Variants in RETREG1 observed in about 807,000 individuals in gnomAD.
The protein encoded by RETREG1 is reticulophagy regulator 1.
Under a neutral mutation model 54.8 loss-of-function variants are expected in RETREG1, and 44 were observed. The ratio of observed to expected loss-of-function variants is 0.80; its 90% CI spans 0.63 to 1.03. The LOEUF is 1.03. RETREG1 is among the 50% of genes least tolerant of loss of function. The pLI, the probability that RETREG1 is intolerant of heterozygous loss-of-function variation, is 0.00. For synonymous variants in RETREG1, 217 were observed against 238.5 expected (o/e 0.91, Z 0.83); for missense variants, 554 against 605.1 (o/e 0.92, Z 0.89).
At chr5:16,550,262 C>A (rs1408494707) in intron 3 of RETREG1, among the ~76,000 whole-genome samples, 8 of 114,088 alleles carry the variant, frequency 7.0e-5, no homozygotes, top group Admixed American at 2.0e-4. Context: ...CATAGTCCCT[C>A]CTCTTTAAAA....
At chr5:16,512,927 G>A (rs1264096489) in intron 3 of RETREG1, among the ~76,000 whole-genome samples, 1 of 151,050 alleles carries the variant, frequency 6.6e-6, no homozygotes, top group Non-Finnish European at 1.5e-5. Context: ...CAGAAACACC[G>A]AGAGACCAAG....
intron 3 of RETREG1, among the ~76,000 whole-genome samples, chr5:16,522,552 A>C (rs1228269234): frequency 1.3e-5 from 2 of 152,146 alleles, no homozygotes; most frequent in Non-Finnish European, 2.9e-5. Flanking sequence ...TTGAATCTTA[A>C]AGACTCTGAG....
intron 1 of RETREG1, among the ~76,000 whole-genome samples, chr5:16,582,786 T>C (rs1480762883): frequency 6.6e-6 from 1 of 152,222 alleles, no homozygotes; most frequent in Non-Finnish European, 1.5e-5. Context: ...TAGTCTGCAC[T>C]GGCCGCTCAG....
chr5:16,607,997 A>G (rs1743242139), intron 1 of RETREG1, among the ~76,000 whole-genome samples: 1 of 152,070 alleles, frequency 6.6e-6, no homozygotes, highest in African/African-American at 2.4e-5. Context: ...CTCCTGCCCC[A>G]GCCTCCCAAG....
chr5:16,602,404 C>A (rs1052508298), intron 1 of RETREG1, among the ~76,000 whole-genome samples: 7 of 152,052 alleles, frequency 4.6e-5, no homozygotes, highest in Non-Finnish European at 1.0e-4. Flanking sequence ...GAGACCAGAA[C>A]AGAAGGATGG....
chr5:16,532,415 C>T (rs1740942617), intron 3 of RETREG1, among the ~76,000 whole-genome samples: 2 of 152,196 alleles, frequency 1.3e-5, no homozygotes, highest in Admixed American at 1.3e-4. Flanking sequence ...ATCCCAGCTA[C>T]TCGGGAAGCT....
intron 3 of RETREG1, chr5:16,508,501 G>C: frequency 3.0e-6 from 4 of 1,316,364 alleles, no homozygotes; most frequent in Non-Finnish European, 4.4e-6. Context: ...TTTTAAATTA[G>C]TCATAATATT....
chr5:16,518,615 C>A (rs1292722447), intron 3 of RETREG1, among the ~76,000 whole-genome samples: 2 of 152,206 alleles, frequency 1.3e-5, no homozygotes, highest in Admixed American at 1.3e-4. Flanking sequence ...TGTAAGGAGA[C>A]TTTCCAGGGT....
chr5:16,541,763 A>G (rs1337491083), intron 3 of RETREG1, among the ~76,000 whole-genome samples: 1 of 141,260 alleles, frequency 7.1e-6, no homozygotes, highest in African/African-American at 2.9e-5. Context: ...GAAGGAAGGA[A>G]GGAAGGAAGG....
chr5:16,507,011 C>T (rs1036083774), intron 3 of RETREG1, among the ~76,000 whole-genome samples: 1 of 152,084 alleles, frequency 6.6e-6, no homozygotes, highest in South Asian at 2.1e-4. Flanking sequence ...TCTATACACT[C>T]CTATCTGGTT....
intron 3 of RETREG1, among the ~76,000 whole-genome samples, chr5:16,486,646 G>C (rs1274480420): frequency 1.3e-5 from 2 of 152,202 alleles, no homozygotes; most frequent in Non-Finnish European, 2.9e-5. Flanking sequence ...CCTTTAAAAT[G>C]TGTGCCCTCT....
Position 16,526,743 on chromosome 5 carries a change from ATTCTAT to A in RETREG1, c.458+39014_458+39019del, listed in dbSNP as rs538278522. Among the ~76,000 whole-genome samples the A allele has an allele frequency of 2.8e-3, 420 of 152,338 alleles. 2 individuals are homozygous for A. The highest frequency in any genetic ancestry group is 9.5e-3 in the African/African-American group (393 of 41,576). The stretch of plus-strand genomic sequence containing the variant: ...ATATTAGAAATATTCAATATTTCTA[ATTCTAT>A]TTCTAATTGAATATTAGAAAGGGAC... On this transcript the variant is annotated intron_variant, in intron 3 of 8. Coordinates refer to ENST00000306320, the MANE Select transcript of RETREG1 (RefSeq NM_001034850.3).
At chr5:16,543,531 C>A (rs1166713161) in intron 3 of RETREG1, among the ~76,000 whole-genome samples, 1 of 152,028 alleles carries the variant, frequency 6.6e-6, no homozygotes, top group Non-Finnish European at 1.5e-5. Context: ...CAAAAATTAG[C>A]CGGGTATGGT....
chr5:16,615,749 T>A (rs1047300221), intron 1 of RETREG1, among the ~76,000 whole-genome samples: 1 of 152,220 alleles, frequency 6.6e-6, no homozygotes, highest in African/African-American at 2.4e-5. Flanking sequence ...GTCTATTTTG[T>A]GCAATTTATT....
intron 5 of RETREG1, among the ~76,000 whole-genome samples, chr5:16,480,454 T>C (rs1738718791): frequency 6.6e-6 from 1 of 152,146 alleles, no homozygotes; most frequent in Admixed American, 6.6e-5. Context: ...CTTTGTACTT[T>C]CATTTCTTTT....
chr5:16,489,304 A>G (rs146123313), intron 3 of RETREG1, among the ~76,000 whole-genome samples: 1 of 152,284 alleles, frequency 6.6e-6, no homozygotes. Flanking sequence ...TATAGTTATC[A>G]AAACAATGTT....
At chr5:16,557,340 G>T (rs929985294) in intron 3 of RETREG1, among the ~76,000 whole-genome samples, 4 of 152,178 alleles carry the variant, frequency 2.6e-5, no homozygotes, top group Non-Finnish European at 4.4e-5. Flanking sequence ...CTGATGGTAA[G>T]AAATAATAAC....
chr5:16,584,506 T>C (rs982593761), intron 1 of RETREG1, among the ~76,000 whole-genome samples: 2 of 152,170 alleles, frequency 1.3e-5, no homozygotes, highest in African/African-American at 4.8e-5. Flanking sequence ...TGGCTCTAAT[T>C]GTGAAAGAAA....
chr5:16,523,300 C>T (rs1161913078), intron 3 of RETREG1, among the ~76,000 whole-genome samples: 1 of 152,172 alleles, frequency 6.6e-6, no homozygotes, highest in Non-Finnish European at 1.5e-5. Flanking sequence ...CCCTCCCAGG[C>T]ACCACGCCAC....
Sources: gnomAD v4.1 joint callset for allele counts (sites outside exome capture counted in the v4.1 genomes callset) on GRCh38, gnomAD v4.1.1 for gene constraint, MANE v1.5 for transcripts, NCBI Gene and HGNC (gene_info 2026-07-23, HGNC 2026-07-21) for gene names.